Variants in CD34 observed in about 807,000 individuals in gnomAD.
CD34 encodes CD34 molecule, also known as hematopoietic progenitor cell antigen CD34.
Under a neutral mutation model 40.1 loss-of-function variants are expected in CD34, and 34 were observed. The ratio of observed to expected loss-of-function variants is 0.85; its 90% CI spans 0.65 to 1.13. The LOEUF is 1.13. CD34 is among the 50% of genes most tolerant of loss of function. The pLI, the probability that CD34 is intolerant of heterozygous loss-of-function variation, is 0.00. For synonymous variants in CD34, 209 were observed against 190.0 expected (o/e 1.10, Z -0.82); for missense variants, 426 against 466.9 (o/e 0.91, Z 0.81).
intron 1 of CD34, among the ~76,000 whole-genome samples, chr1:207,905,345 A>T (rs1662353858): frequency 6.6e-6 from 1 of 152,204 alleles, no homozygotes; most frequent in Admixed American, 6.5e-5. Context: ...CATATTGGCC[A>T]AGCTGGTCTC....
In CD34 at chr1:207,899,047, T is replaced by C; in HGVS notation, c.442A>G (p.Thr148Ala). The C allele has an allele frequency of 6.2e-7, 1 of 1,614,204 alleles. No homozygotes were observed. The part of the protein sequence containing the change: ...LSPGNVSDLS[T>A]TSTSLATSPT... ...GATGTTGCAAGGCTAGTGCTAGTGG[T>C]TGAAAGGTCTGAAACATTTCCAGGT... is the stretch of plus-strand genomic sequence containing the variant. The change falls in exon 3 of 8, where the codon ACC becomes GCC. Residue 148 changes from threonine (T) to alanine (A), a missense_variant. Coordinates refer to ENST00000310833, the MANE Select transcript of CD34 (RefSeq NM_001025109.2).
In CD34 at chr1:207,887,296, C is replaced by G. The variant is rs1465509954; in HGVS notation, c.*442G>C. The G allele has an allele frequency of 6.0e-6, 1 of 167,940 alleles. No homozygotes were observed. Among genetic ancestry groups the G allele is most frequent in the Non-Finnish European group, 1.3e-5 (1 of 77,730 alleles). The allele number at this position is 167,940 out of a possible 1,614,324, so 10.4% of individuals were successfully genotyped here. On this transcript the variant is annotated 3_prime_UTR_variant, in exon 8 of 8. Transcript: ENST00000310833. ...AGGTGCAAAAGGTTACTTTGGTTTCCTCAAAGTAGAGAAAGAAAATACAGG... is the reference window on the plus strand; with the variant it reads ...AGGTGCAAAAGGTTACTTTGGTTTCGTCAAAGTAGAGAAAGAAAATACAGG...
chr1:207,899,117 TG>T lies in CD34; in HGVS notation c.371del (p.Pro124GlnfsTer11), dbSNP rs1334560643. 1.2e-6 allele frequency: 2 copies of T among 1,614,214 alleles called. No individual in the cohort carries two copies. On this transcript the variant is annotated frameshift_variant, in exon 3 of 8. Coordinates refer to ENST00000310833, the MANE Select transcript of CD34 (RefSeq NM_001025109.2). LOFTEE classifies it high-confidence loss of function. Reference sequence around the variant, plus strand: ...TTGTCTCTGGAGTTGAAACGTTGGCTGGGGTGGTGAACACTGTGCTGATTAC... The same window carrying T: ...TTGTCTCTGGAGTTGAAACGTTGGCTGGGTGGTGAACACTGTGCTGATTAC... The part of the protein sequence containing the change: ...TSVISTVFTT[P>X]ANVSTPETTL...
intron 5 of CD34, 95 bp from the exon 6 acceptor site, chr1:207,889,308 G>C (rs545026940): frequency 8.1e-5 from 129 of 1,595,104 alleles, no homozygotes; most frequent in Admixed American, 3.9e-4. Flanking sequence ...CTGATGGCCA[G>C]GGTGGTCCAT....
Position 207,889,569 on chromosome 1 carries a change from T to G in CD34, c.650A>C (p.Glu217Ala). ...CCCAGCATCAGCATCAGCCTGCTCC[T>G]CCCCACACAGCACTCGGGCCAGGCC... is the stretch of plus-strand genomic sequence containing the variant. ...GEGLARVLCGEEQADADAGAQ... is the reference protein window; with the variant it reads ...GEGLARVLCGAEQADADAGAQ... The change falls in exon 5 of 8, where the codon GAG becomes GCG. Residue 217 changes from glutamate to alanine, a missense_variant. By Grantham distance (107) the Glu-to-Ala change is moderately radical. Transcript: ENST00000310833. The G allele has an allele frequency of 6.2e-7, 1 of 1,614,084 alleles. No individual in the cohort carries two copies. The highest frequency in any genetic ancestry group is 8.5e-7 in the Non-Finnish European group (1 of 1,180,012).
rs754325569 is a variant in CD34, at chr1:207,911,016, A to C, written c.65T>G (p.Leu22Trp). The change falls in exon 1 of 8, where the codon TTG becomes TGG. Residue 22 changes from leucine to tryptophan, a missense_variant. Coordinates refer to ENST00000310833, the MANE Select transcript of CD34 (RefSeq NM_001025109.2). ...RMPRGWTALC[L>W]LSLLPSGFMS... is the part of the protein sequence containing the mutation. ...GCGGTACTCACGCAGCAAACTCAGC[A>C]AGCAAAGCGCGGTCCAGCCCCGCGG... 4.9e-5 allele frequency: 78 copies of C among 1,591,548 alleles called. No individual in the cohort carries two copies. Among genetic ancestry groups the C allele is most frequent in the Non-Finnish European group, 6.0e-5 (70 of 1,172,100 alleles).
chr1:207,893,344 A>G (rs1258009955), intron 4 of CD34, among the ~76,000 whole-genome samples: 1 of 152,160 alleles, frequency 6.6e-6, no homozygotes, highest in Non-Finnish European at 1.5e-5. Flanking sequence ...AGATATTAAG[A>G]TCCTAGAACG....
intron 1 of CD34, among the ~76,000 whole-genome samples, chr1:207,900,449 AG>A (rs1662251150): frequency 6.6e-6 from 1 of 152,230 alleles, no homozygotes; most frequent in Non-Finnish European, 1.5e-5. Context: ...AATATTGCAA[AG>A]ATCTAATGTG....
intron 1 of CD34, among the ~76,000 whole-genome samples, chr1:207,906,785 G>A (rs941675351): frequency 1.3e-5 from 2 of 151,818 alleles, no homozygotes; most frequent in East Asian, 1.9e-4. Context: ...CAGAGGTTGC[G>A]GTGATCCGAG....
chr1:207,892,975 C>T (rs976969041), intron 4 of CD34, among the ~76,000 whole-genome samples: 2 of 152,258 alleles, frequency 1.3e-5, no homozygotes, highest in Admixed American at 6.5e-5. Flanking sequence ...GGAATCCAAC[C>T]GCATCAGTGA....
chr1:207,890,253 C>T (rs1178783867), intron 4 of CD34: 16 of 994,812 alleles, frequency 1.6e-5, no homozygotes, highest in Non-Finnish European at 1.9e-5. Flanking sequence ...CCATCAGACC[C>T]AGGAATTTGG....
chr1:207,908,352 C>G (rs894824868), intron 1 of CD34, among the ~76,000 whole-genome samples: 1 of 152,252 alleles, frequency 6.6e-6, no homozygotes, highest in Non-Finnish European at 1.5e-5. Context: ...TGGGTTGGGT[C>G]TACAAGTGCG....
intron 1 of CD34, among the ~76,000 whole-genome samples, chr1:207,910,754 C>T (rs528756661): frequency 1.3e-5 from 2 of 152,254 alleles, no homozygotes; most frequent in South Asian, 4.1e-4. Context: ...TGGAACCAGT[C>T]GTGCTGACCG....
chr1:207,894,100 CT>C (rs1051302392), intron 4 of CD34, among the ~76,000 whole-genome samples: 1 of 152,144 alleles, frequency 6.6e-6, no homozygotes, highest in Admixed American at 6.5e-5. Context: ...TATTTGTACA[CT>C]TATGTTAAAA....
chr1:207,893,360 A>T (rs1270380142), intron 4 of CD34, among the ~76,000 whole-genome samples: 1 of 152,166 alleles, frequency 6.6e-6, no homozygotes, highest in Non-Finnish European at 1.5e-5. Flanking sequence ...GAACGCTGAG[A>T]TTCTAGGATC....
intron 1 of CD34, among the ~76,000 whole-genome samples, chr1:207,907,968 A>G (rs1662417558): frequency 6.6e-6 from 1 of 152,166 alleles, no homozygotes; most frequent in Non-Finnish European, 1.5e-5. Flanking sequence ...AACCAAAGTC[A>G]ATGAGAGAGG....
chr1:207,893,985 G>A (rs563664414), intron 4 of CD34, among the ~76,000 whole-genome samples: 2 of 152,260 alleles, frequency 1.3e-5, no homozygotes, highest in South Asian at 2.1e-4. Flanking sequence ...AATGTAAAAC[G>A]GTCTGGTGGT....
intron 4 of CD34, among the ~76,000 whole-genome samples, chr1:207,897,152 A>C (rs1662167372): frequency 6.6e-6 from 1 of 152,198 alleles, no homozygotes; most frequent in South Asian, 2.1e-4. Context: ...GGACTTTCTT[A>C]ACCAAAAAGC....
intron 1 of CD34, among the ~76,000 whole-genome samples, chr1:207,902,278 G>A (rs1343514122): frequency 2.0e-5 from 3 of 152,186 alleles, no homozygotes; most frequent in East Asian, 1.9e-4. Flanking sequence ...GAACACTGAC[G>A]TTTAGCTGAC....
Sources: allele counts gnomAD v4.1 joint callset (sites outside exome capture counted in the v4.1 genomes callset), GRCh38; gene constraint gnomAD v4.1.1; transcripts MANE v1.5; gene names NCBI Gene and HGNC (gene_info 2026-07-23, HGNC 2026-07-21).